The following HAUS6 variants were observed in gnomAD, a reference collection of about 807,000 sequenced individuals.
HAUS6 encodes the protein HAUS augmin like complex subunit 6, also known as HAUS augmin-like complex subunit 6.
In HAUS6, 80 loss-of-function variants were observed where a neutral mutation model predicts 106.8. The ratio of observed to expected loss-of-function variants is 0.75; its 90% CI spans 0.63 to 0.90. HAUS6 has a LOEUF of 0.90. HAUS6 is among the 40% of genes least tolerant of loss of function. The pLI, the probability that HAUS6 is intolerant of heterozygous loss-of-function variation, is 0.00. For missense variants in HAUS6, 1,155 were observed against 1,118.1 expected (o/e 1.03, Z -0.47); for synonymous variants, 356 against 379.1 (o/e 0.94, Z 0.71).
chr9:19,102,375 C>A (rs1423489397), intron 1 of HAUS6, 149 bp downstream of exon 1: 2 of 856,332 alleles, frequency 2.3e-6, no homozygotes, highest in African/African-American at 1.7e-5. Context: ...CTGGCAGCAA[C>A]TGGGAGTAGG....
chr9:19,076,488 C>T (rs1837006986), intron 11 of HAUS6, 114 bp downstream of exon 11: 1 of 678,914 alleles, frequency 1.5e-6, no homozygotes, highest in Non-Finnish European at 2.6e-6. Flanking sequence ...ATGCATTTCA[C>T]CACAATAAAA....
At chr9:19,094,490 T>A in intron 2 of HAUS6, 95 bp from the exon 3 acceptor site, 1 of 709,364 alleles carries the variant, frequency 1.4e-6, no homozygotes, top group South Asian at 1.7e-5. Context: ...TTATTTCTAA[T>A]ACCAGAAATA....
chr9:19,094,246 TA>T, intron 3 of HAUS6, 70 bp downstream of exon 3: 2 of 869,312 alleles, frequency 2.3e-6, no homozygotes, highest in Admixed American at 2.3e-5. Flanking sequence ...ATTTCACCTC[TA>T]AAAAGTTAAA....
chr9:19,063,940 A>G (rs924745961), intron 12 of HAUS6, among the ~76,000 whole-genome samples: 2 of 151,934 alleles, frequency 1.3e-5, no homozygotes, highest in African/African-American at 4.8e-5. Flanking sequence ...GTTCCAAATC[A>G]CAGTTTCTTT....
intron 8 of HAUS6, among the ~76,000 whole-genome samples, chr9:19,081,261 A>C (rs1013137425): frequency 2.0e-5 from 3 of 152,210 alleles, no homozygotes; most frequent in Non-Finnish European, 4.4e-5. Flanking sequence ...ATAGATGGAA[A>C]GAAAAATAAA....
intron 3 of HAUS6, 47 bp downstream of exon 3, chr9:19,094,270 T>A: frequency 1.1e-5 from 12 of 1,141,092 alleles, no homozygotes; most frequent in Non-Finnish European, 1.4e-5. Context: ...GTTAAAGTAG[T>A]TTTTAACTTC....
At chr9:19,081,884 G>T (rs1837158701) in intron 8 of HAUS6, among the ~76,000 whole-genome samples, 1 of 149,484 alleles carries the variant, frequency 6.7e-6, no homozygotes, top group Admixed American at 6.7e-5. Flanking sequence ...GGCCAACATG[G>T]TGAAACCCCG....
chr9:19,071,266 G>A (rs2131116462), intron 11 of HAUS6, among the ~76,000 whole-genome samples: 1 of 152,226 alleles, frequency 6.6e-6, no homozygotes, highest in African/African-American at 2.4e-5. Flanking sequence ...GTGAGTTATA[G>A]GAGGTATCTA....
At position 19,087,120 on chromosome 9, in the gene HAUS6, T is replaced by C. The variant is rs1374132809; in HGVS notation, c.621A>G (p.Glu207=). ...SVKQVRNLRS[E]CIGLENQIKK... is the part of the protein sequence containing the mutation. Reference sequence around the variant, plus strand: ...TTATTTGGTTTTCCAATCCTATACATTCAGATCTCAAGTTTCGTACCTGCT... The same window carrying C: ...TTATTTGGTTTTCCAATCCTATACACTCAGATCTCAAGTTTCGTACCTGCT... Residue 207 remains glutamate (E), a synonymous_variant, in exon 6 of 17, where the codon GAA becomes GAG. Transcript: ENST00000380502. 1.3e-6 allele frequency: 2 copies of C among 1,542,734 alleles called. No homozygotes were observed. The highest frequency in any genetic ancestry group is 2.2e-5 in the East Asian group (1 of 44,576).
chr9:19,080,372 T>A, intron 9 of HAUS6, 107 bp downstream of exon 9: 2 of 696,518 alleles, frequency 2.9e-6, no homozygotes, highest in Non-Finnish European at 5.1e-6. Context: ...GTATTAGAAT[T>A]CTCATACTTG....
At chr9:19,093,353 C>G in intron 3 of HAUS6, 50 bp from the exon 4 acceptor site, 1 of 1,448,750 alleles carries the variant, frequency 6.9e-7, no homozygotes, top group Non-Finnish European at 9.6e-7. Context: ...AACAATAACT[C>G]TTACATTTAC....
At chr9:19,102,471 C>T (rs1818010721) in intron 1 of HAUS6, 53 bp downstream of exon 1, 4 of 1,580,074 alleles carry the variant, frequency 2.5e-6, no homozygotes, top group Non-Finnish European at 3.5e-6. Context: ...GGGGGAGTCC[C>T]CCGGCGTCCC....
intron 5 of HAUS6, among the ~76,000 whole-genome samples, chr9:19,087,614 G>A (rs1243653597): frequency 1.3e-5 from 2 of 152,058 alleles, no homozygotes; most frequent in Non-Finnish European, 2.9e-5. Context: ...CTATATTTTG[G>A]GAGGCTGAGG....
intron 5 of HAUS6, among the ~76,000 whole-genome samples, chr9:19,088,906 T>G (rs1216787172): frequency 1.3e-5 from 2 of 150,844 alleles, no homozygotes; most frequent in Non-Finnish European, 2.9e-5. Flanking sequence ...AGTAAAGTGA[T>G]CTTTTCTTTT....
chr9:19,062,971 C>A (rs771786940), intron 14 of HAUS6, 37 bp downstream of exon 14: 1 of 1,468,264 alleles, frequency 6.8e-7, no homozygotes, highest in Non-Finnish European at 9.5e-7. Flanking sequence ...CATCCAATAA[C>A]TGATATTTAA....
intron 14 of HAUS6, among the ~76,000 whole-genome samples, chr9:19,062,698 G>C (rs1032915606): frequency 6.6e-6 from 1 of 152,200 alleles, no homozygotes; most frequent in Non-Finnish European, 1.5e-5. Flanking sequence ...GTCTCAGTCT[G>C]TCACTCAGGC....
intron 5 of HAUS6, among the ~76,000 whole-genome samples, chr9:19,087,951 A>G (rs1817658474): frequency 1.3e-5 from 2 of 152,218 alleles, no homozygotes; most frequent in Admixed American, 1.3e-4. Flanking sequence ...TGTAATATCA[A>G]TGCCTAAACA....
intron 8 of HAUS6, 23 bp downstream of exon 8, chr9:19,082,850 C>A: frequency 7.6e-7 from 1 of 1,314,808 alleles, no homozygotes; most frequent in Non-Finnish European, 1.0e-6. Flanking sequence ...TTCTCAAAAG[C>A]TTCCTTAATA....
Position 19,057,962 on chromosome 9 carries a change from C to T in HAUS6, c.2805G>A (p.Lys935=). ...TGCATAGGTCTATTTAAACCTTACC[C>T]TTTAAATTAGGTAGTTCTCCAAGAC... ...ACSLGELPNL[K]EEDILNKSLD... is the part of the protein sequence containing the mutation. The change falls in exon 16 of 17, where the codon AAG becomes AAA. Residue 935 remains lysine, a splice_region_variant and synonymous_variant. Transcript: ENST00000380502. 6.3e-7 allele frequency: 1 copy of T among 1,580,742 alleles called. No individual in the cohort carries two copies.
Sources: allele counts gnomAD v4.1 joint callset (sites outside exome capture counted in the v4.1 genomes callset), GRCh38; gene constraint gnomAD v4.1.1; transcripts MANE v1.5; gene names NCBI Gene and HGNC (gene_info 2026-07-23, HGNC 2026-07-21).